The following COL25A1 variants were observed in gnomAD, a reference collection of about 807,000 sequenced individuals.
COL25A1 encodes collagen type XXV alpha 1 chain.
In COL25A1, 103 loss-of-function variants were observed where a neutral mutation model predicts 128.4. The ratio of observed to expected loss-of-function variants is 0.80; its 90% CI spans 0.68 to 0.94. The LOEUF is 0.94. Ranked by LOEUF, COL25A1 falls within the 40% of genes least tolerant of loss-of-function variation. The probability of loss-of-function intolerance (pLI) is 0.00; values close to 1 mark genes in which losing one functional copy is unlikely to be tolerated. For missense variants in COL25A1, 745 were observed against 840.0 expected (o/e 0.89, Z 1.40); for synonymous variants, 279 against 277.2 (o/e 1.01, Z -0.06).
chr4:109,094,313 G>A (rs1358715860), intron 3 of COL25A1, among the ~76,000 whole-genome samples: 1 of 152,160 alleles, frequency 6.6e-6, no homozygotes, highest in Non-Finnish European at 1.5e-5. Flanking sequence ...GAAGAACTAA[G>A]GTTTCACAAG....
At chr4:108,828,856 G>A (rs1189910345) in intron 32 of COL25A1, among the ~76,000 whole-genome samples, 1 of 152,132 alleles carries the variant, frequency 6.6e-6, no homozygotes, top group Admixed American at 6.5e-5. Context: ...TGCCTGCAGA[G>A]CCACCTGATA....
chr4:108,917,665 A>G lies in COL25A1; in HGVS notation c.780+507T>C, dbSNP rs1262260850. Among the ~76,000 whole-genome samples the G allele has an allele frequency of 2.0e-5, 3 of 152,340 alleles. No individual in the cohort carries two copies. The East Asian group carries it at 5.8e-4, about 29-fold the overall frequency. ...TCCTCTCATTATTAACAGTACAATAAAAGTGTATGTAATACCAAAGCGGGA... is the reference window on the plus strand; with the variant it reads ...TCCTCTCATTATTAACAGTACAATAGAAGTGTATGTAATACCAAAGCGGGA... On this transcript the variant is annotated intron_variant, in intron 13 of 37. Coordinates refer to ENST00000399132, the MANE Select transcript of COL25A1 (RefSeq NM_198721.4).
chr4:109,287,235 G>A (rs1324116666), intron 3 of COL25A1, among the ~76,000 whole-genome samples: 4 of 152,160 alleles, frequency 2.6e-5, no homozygotes. Flanking sequence ...GCAGTCTTCA[G>A]TCTGCTTATC....
intron 3 of COL25A1, among the ~76,000 whole-genome samples, chr4:109,054,984 A>G (rs906320226): frequency 6.6e-6 from 1 of 152,118 alleles, no homozygotes; most frequent in African/African-American, 2.4e-5. Flanking sequence ...TTTCTGAACC[A>G]ACCTCCCCCA....
At chr4:109,253,492 G>C (rs1207432945) in intron 3 of COL25A1, among the ~76,000 whole-genome samples, 3 of 152,108 alleles carry the variant, frequency 2.0e-5, no homozygotes, top group Non-Finnish European at 2.9e-5. Flanking sequence ...CCACATCGGG[G>C]AAGGCCACCT....
chr4:108,849,625 A>G (rs1735539540), intron 26 of COL25A1, among the ~76,000 whole-genome samples: 1 of 152,190 alleles, frequency 6.6e-6, no homozygotes, highest in Non-Finnish European at 1.5e-5. Context: ...AAAAGTAAGC[A>G]TTATTTTGTA....
chr4:109,184,454 G>C (rs1036280801), intron 3 of COL25A1, among the ~76,000 whole-genome samples: 2 of 152,136 alleles, frequency 1.3e-5, no homozygotes, highest in African/African-American at 4.8e-5. Context: ...CTAACGAAGT[G>C]TTAGACACCA....
chr4:109,219,395 T>C (rs1778263967), intron 3 of COL25A1, among the ~76,000 whole-genome samples: 1 of 152,096 alleles, frequency 6.6e-6, no homozygotes, highest in Admixed American at 6.6e-5. Flanking sequence ...AGAATGAGTT[T>C]TTTTTTTAAG....
intron 35 of COL25A1, among the ~76,000 whole-genome samples, chr4:108,820,487 C>T (rs1021150356): frequency 1.3e-5 from 2 of 152,184 alleles, no homozygotes; most frequent in Admixed American, 6.5e-5. Flanking sequence ...ATATTTTTTA[C>T]ATCCTTTTGT....
intron 3 of COL25A1, among the ~76,000 whole-genome samples, chr4:109,075,729 C>T (rs1763319808): frequency 6.6e-6 from 1 of 152,048 alleles, no homozygotes; most frequent in South Asian, 2.1e-4. Flanking sequence ...ATATTTTACC[C>T]ACCATATAGT....
chr4:108,888,685 C>T (rs1418724252), intron 18 of COL25A1, among the ~76,000 whole-genome samples: 1 of 152,050 alleles, frequency 6.6e-6, no homozygotes, highest in East Asian at 1.9e-4. Context: ...AGTTCATTAA[C>T]AAATTTAGTG....
intron 6 of COL25A1, among the ~76,000 whole-genome samples, chr4:108,993,158 CT>C (rs1754389648): frequency 6.6e-6 from 1 of 152,104 alleles, no homozygotes; most frequent in South Asian, 2.1e-4. Flanking sequence ...ATTTTGTATC[CT>C]TTGAACAACA....
intron 8 of COL25A1, among the ~76,000 whole-genome samples, chr4:108,951,528 G>C (rs1385458115): frequency 6.6e-6 from 1 of 151,790 alleles, no homozygotes; most frequent in Non-Finnish European, 1.5e-5. Flanking sequence ...TGAGACTACA[G>C]GTGCCCACCA....
intron 8 of COL25A1, among the ~76,000 whole-genome samples, chr4:108,968,957 T>G (rs1751620211): frequency 6.6e-6 from 1 of 152,106 alleles, no homozygotes; most frequent in Non-Finnish European, 1.5e-5. Flanking sequence ...TGGTCTTGAA[T>G]TTTCACCTCA....
At chr4:109,000,743 CAAAAAAAAAAAA>C (rs1180104512) in intron 6 of COL25A1, among the ~76,000 whole-genome samples, 6 of 36,422 alleles carry the variant, frequency 1.6e-4, no homozygotes, top group African/African-American at 6.9e-4. Flanking sequence ...GAGACTCTGT[CAAAAAAAAAAAA>C]AAAAAAAAAA....
At chr4:109,213,080 C>T (rs1040763593) in intron 3 of COL25A1, among the ~76,000 whole-genome samples, 17 of 152,228 alleles carry the variant, frequency 1.1e-4, no homozygotes, top group African/African-American at 3.9e-4. Context: ...GGGATTCATG[C>T]ATCAGTATGT....
At position 108,848,673 on chromosome 4, in the gene COL25A1, C is replaced by T; in HGVS notation, c.1434+86G>A. The T allele has an allele frequency of 3.3e-6, 3 of 896,526 alleles. No individual in the cohort carries two copies. The South Asian group carries it at 4.2e-5, about 12-fold the overall frequency. 55.5% of individuals were successfully genotyped at this position (896,526 alleles called of 1,614,324 possible). On this transcript the variant is annotated intron_variant, in intron 27 of 37. Coordinates refer to ENST00000399132, the MANE Select transcript of COL25A1 (RefSeq NM_198721.4). Reference sequence around the variant, plus strand: ...AGAAAGAGGGTATCAAATATCAATGCTCATGACATTTTGGCTTCAAACCTA... The same window carrying T: ...AGAAAGAGGGTATCAAATATCAATGTTCATGACATTTTGGCTTCAAACCTA...
In COL25A1 at chr4:109,202,684, G is replaced by C. The variant is rs186582115; in HGVS notation, c.367+97899C>G. ...AAAGACACTGTTAAGAGAATGAAGG[G>C]ACAAGCCACATACTGGGAAAAATAT... is the stretch of plus-strand genomic sequence containing the variant. On this transcript the variant is annotated intron_variant, in intron 3 of 37. Transcript: ENST00000399132. Among the ~76,000 whole-genome samples the C allele has an allele frequency of 2.3e-3, 343 of 152,128 alleles. 1 individual carries two copies. Among genetic ancestry groups the C allele is most frequent in the African/African-American group, 7.6e-3 (315 of 41,514 alleles).
intron 3 of COL25A1, among the ~76,000 whole-genome samples, chr4:109,093,431 G>C (rs1389739503): frequency 7.1e-6 from 1 of 139,984 alleles, no homozygotes; most frequent in Non-Finnish European, 1.5e-5. Flanking sequence ...ACCAGCCTGG[G>C]CAATACAGCA....
Sources: allele counts gnomAD v4.1 joint callset (sites outside exome capture counted in the v4.1 genomes callset), GRCh38; gene constraint gnomAD v4.1.1; transcripts MANE v1.5; gene names NCBI Gene and HGNC (gene_info 2026-07-23, HGNC 2026-07-21).